The following LINGO2 variants were observed in gnomAD, a reference collection of about 807,000 sequenced individuals.
LINGO2 encodes the protein leucine-rich repeat and immunoglobulin-like domain-containing nogo receptor-interacting protein 2.
LINGO2 carries 14 observed loss-of-function variants against 30.6 expected under a neutral mutation model. The ratio of observed to expected loss-of-function variants is 0.46; its 90% confidence interval spans 0.30 to 0.72. The LOEUF (loss-of-function observed/expected upper bound fraction) is 0.72. Among genes scored for constraint, LINGO2 ranks in the 30% least tolerant of loss-of-function variants. The probability of loss-of-function intolerance (pLI) is 0.07; values close to 1 mark genes in which losing one functional copy is unlikely to be tolerated. For missense variants in LINGO2, 729 were observed against 751.7 expected (o/e 0.97, Z 0.35); for synonymous variants, 317 against 288.5 (o/e 1.10, Z -1.00).
rs540888736 is a variant in LINGO2, at chr9:28,431,210, G to C, written c.-279+44730C>G. On this transcript the variant is annotated intron_variant, in intron 2 of 5. Coordinates refer to ENST00000379992, the Ensembl canonical transcript of LINGO2. The stretch of plus-strand genomic sequence containing the variant: ...GTGATTATAGAGAACATAAATACTA[G>C]GAGTCAGGAATCATTGTCGGGGGTG... 2.0e-5 allele frequency among the ~76,000 whole-genome samples: 3 copies of C among 152,248 alleles called. No individual in the cohort carries two copies. The South Asian group carries it at 6.2e-4, about 32-fold the overall frequency.
At chr9:28,601,678 A>G (rs1825482902) in intron 1 of LINGO2, among the ~76,000 whole-genome samples, 1 of 152,076 alleles carries the variant, frequency 6.6e-6, no homozygotes, top group African/African-American at 2.4e-5. Flanking sequence ...GCACTCATTC[A>G]TTTGGAAGTC....
intron 4 of LINGO2, among the ~76,000 whole-genome samples, chr9:28,175,961 C>A (rs1397479932): frequency 1.3e-5 from 2 of 152,154 alleles, no homozygotes; most frequent in Admixed American, 1.3e-4. Flanking sequence ...ACTGATATGA[C>A]CTCATCAGAA....
At chr9:28,996,977 T>G in the LINGO2 span, among the ~76,000 whole-genome samples, 1 of 152,194 alleles carries the variant, frequency 6.6e-6, no homozygotes, top group Non-Finnish European at 1.5e-5. Context: ...CCAACATGTA[T>G]TCCTTCTCCT....
intron 3 of LINGO2, among the ~76,000 whole-genome samples, chr9:28,346,181 T>A (rs1819559475): frequency 6.6e-6 from 1 of 152,188 alleles, no homozygotes; most frequent in Non-Finnish European, 1.5e-5. Context: ...AGTACATGGT[T>A]ACTGGTCCTC....
intron 1 of LINGO2, among the ~76,000 whole-genome samples, chr9:28,551,655 T>C (rs1046224482): frequency 2.0e-5 from 3 of 152,098 alleles, no homozygotes; most frequent in South Asian, 4.1e-4. Context: ...ATAGTTTGCA[T>C]GATTCTATTT....
At chr9:28,647,803 G>A (rs1352396866) in intron 1 of LINGO2, among the ~76,000 whole-genome samples, 23 of 151,308 alleles carry the variant, frequency 1.5e-4, no homozygotes, top group Admixed American at 1.5e-3. Context: ...ACATTAACTT[G>A]ATATATTCTC....
chr9:28,123,035 C>T (rs1011828663), intron 4 of LINGO2, among the ~76,000 whole-genome samples: 4 of 152,086 alleles, frequency 2.6e-5, no homozygotes, highest in African/African-American at 7.2e-5. Flanking sequence ...ACCAAATTCT[C>T]AGCATTTGAA....
chr9:28,314,507 C>T (rs78190036), intron 3 of LINGO2, among the ~76,000 whole-genome samples: 2,602 of 152,208 alleles, frequency 0.017, 71 homozygotes, highest in African/African-American at 0.058. Context: ...GTTCAAGGCA[C>T]CGAGTTTATT....
chr9:28,383,280 G>C (rs2134642065), intron 2 of LINGO2, among the ~76,000 whole-genome samples: 1 of 151,966 alleles, frequency 6.6e-6, no homozygotes, highest in Non-Finnish European at 1.5e-5. Flanking sequence ...GTGTGTGTGT[G>C]TGTGTGTGTG....
At chr9:28,157,730 C>T (rs557140910) in intron 4 of LINGO2, among the ~76,000 whole-genome samples, 15 of 152,268 alleles carry the variant, frequency 9.9e-5, no homozygotes, top group African/African-American at 3.6e-4. Context: ...GAAATTTCTT[C>T]CAAGAGATAC....
downstream of LINGO2, chr9:27,948,042 C>T (rs1823435937): frequency 6.6e-6 from 1 of 152,130 alleles, no homozygotes; most frequent in Non-Finnish European, 1.5e-5. Context: ...TAAACTGGTC[C>T]AGTGTGATAT....
chr9:29,201,399 A>G, the LINGO2 span, among the ~76,000 whole-genome samples: 2 of 152,042 alleles, frequency 1.3e-5, no homozygotes, highest in African/African-American at 2.4e-5. Context: ...AGAGATGGTA[A>G]AAATCAGTGC....
In LINGO2 at chr9:28,495,479, T is replaced by C. The variant is rs188832484; in HGVS notation, c.-364-19454A>G. Among the ~76,000 whole-genome samples, 35 of 152,318 alleles carry C rather than the reference T, an allele frequency of 2.3e-4. No individual in the cohort carries two copies. The East Asian group carries it at 6.4e-3, about 28-fold the overall frequency. On this transcript the variant is annotated intron_variant, in intron 1 of 5. Coordinates refer to ENST00000379992, the Ensembl canonical transcript of LINGO2. The stretch of plus-strand genomic sequence containing the variant: ...CACCATTTATTAAATAGGGAATCCT[T>C]TCCCCATTTCTTGTTTTTGTCAGGT...
intron 2 of LINGO2, among the ~76,000 whole-genome samples, chr9:28,415,347 T>A (rs942966633): frequency 6.6e-6 from 1 of 152,182 alleles, no homozygotes; most frequent in Non-Finnish European, 1.5e-5. Flanking sequence ...ATGTTTTTGA[T>A]GACAACAGGC....
intron 4 of LINGO2, among the ~76,000 whole-genome samples, chr9:28,170,052 C>T (rs61659342): frequency 0.018 from 2,684 of 152,230 alleles, 40 homozygotes; most frequent in East Asian, 0.068. Flanking sequence ...AATGGAAGTT[C>T]CAAGGAGGCA....
the LINGO2 span, among the ~76,000 whole-genome samples, chr9:29,083,207 G>T: frequency 0.23 from 34,534 of 152,040 alleles, 4,052 homozygotes; most frequent in East Asian, 0.41. Context: ...TGATAGACTG[G>T]ATTAAGAAAA....
the LINGO2 span, among the ~76,000 whole-genome samples, chr9:28,747,712 A>G: frequency 6.6e-6 from 1 of 152,002 alleles, no homozygotes; most frequent in African/African-American, 2.4e-5. Context: ...GAGCCAGGGA[A>G]CTCTCCAATC....
the LINGO2 span, among the ~76,000 whole-genome samples, chr9:28,947,231 T>C: frequency 6.6e-6 from 1 of 152,082 alleles, no homozygotes; most frequent in Non-Finnish European, 1.5e-5. Flanking sequence ...GAATGGAATG[T>C]TTCAGATAAA....
At chr9:28,055,584 T>C (rs1824892091) in intron 4 of LINGO2, among the ~76,000 whole-genome samples, 1 of 152,178 alleles carries the variant, frequency 6.6e-6, no homozygotes, top group Admixed American at 6.6e-5. Context: ...AAGGCTTCAG[T>C]CTAATTTCTC....
Sources: gnomAD v4.1 joint callset for allele counts (sites outside exome capture counted in the v4.1 genomes callset) on GRCh38, gnomAD v4.1.1 for gene constraint, MANE v1.5 for transcripts, NCBI Gene and HGNC (gene_info 2026-07-23, HGNC 2026-07-21) for gene names.